ASXL3: variants seen among roughly 807,000 people sequenced by gnomAD.
ASXL3 encodes the protein putative Polycomb group protein ASXL3.
ASXL3 carries 34 observed loss-of-function variants against 170.6 expected under a neutral mutation model. The observed-to-expected ratio is 0.20, with a 90% CI of 0.15 to 0.27. The LOEUF is 0.27. Among genes scored for constraint, ASXL3 ranks in the 10% least tolerant of loss-of-function variants. The probability of loss-of-function intolerance (pLI) is 1.00; values close to 1 mark genes in which losing one functional copy is unlikely to be tolerated. For synonymous variants in ASXL3, 1,002 were observed against 989.1 expected (o/e 1.01, Z -0.24); for missense variants, 2,592 against 2,695.3 (o/e 0.96, Z 0.85).
intron 1 of ASXL3, chr18:33,605,341 C>G (rs2065234746): frequency 6.6e-6 from 1 of 151,952 alleles, no homozygotes. Flanking sequence ...ATAATTTCTC[C>G]TTATCTTTTG....
At chr18:33,600,628 GA>G (rs2065174878) in intron 1 of ASXL3, among the ~76,000 whole-genome samples, 1 of 152,092 alleles carries the variant, frequency 6.6e-6, no homozygotes, top group Non-Finnish European at 1.5e-5. Flanking sequence ...CTTTCTGTGT[GA>G]AAAAGGAATG....
At chr18:33,682,615 A>C (rs1181229736) in intron 7 of ASXL3, among the ~76,000 whole-genome samples, 3 of 152,070 alleles carry the variant, frequency 2.0e-5, no homozygotes, top group Non-Finnish European at 4.4e-5. Flanking sequence ...TGGCGCAGTC[A>C]TGGCTCGCTG....
chr18:33,738,626 A>T lies in ASXL3; in HGVS notation c.1222A>T (p.Met408Leu), dbSNP rs1455203924. The T allele has an allele frequency of 6.2e-7, 1 of 1,613,958 alleles. No individual in the cohort carries two copies. The highest frequency in any genetic ancestry group is 8.5e-7 in the Non-Finnish European group (1 of 1,179,864). ...TALAEQQPKS[M>L]KSPASPEPGF... ...CTTGGCAGAACAACAGCCAAAAAGCATGAAAAGCCCAGCTTCTCCAGAGCC... is the reference window on the plus strand; with the variant it reads ...CTTGGCAGAACAACAGCCAAAAAGCTTGAAAAGCCCAGCTTCTCCAGAGCC... Residue 408 changes from methionine (M) to leucine (L), a missense_variant, in exon 11 of 12, where the codon ATG (methionine) becomes TTG (leucine). Transcript: ENST00000269197.
chr18:33,636,335 G>A (rs12607131), intron 2 of ASXL3, among the ~76,000 whole-genome samples: 118 of 39,388 alleles, frequency 3.0e-3, no homozygotes, highest in Middle Eastern at 0.018. Flanking sequence ...AACAACAACA[G>A]CAACAACAAC....
intron 8 of ASXL3, among the ~76,000 whole-genome samples, chr18:33,701,493 T>C (rs1163401573): frequency 6.6e-6 from 1 of 152,150 alleles, no homozygotes; most frequent in African/African-American, 2.4e-5. Context: ...TTTCAGAGTA[T>C]AAGTGTTACA....
intron 8 of ASXL3, among the ~76,000 whole-genome samples, chr18:33,694,866 G>T (rs1357350665): frequency 6.6e-6 from 1 of 152,132 alleles, no homozygotes; most frequent in East Asian, 1.9e-4. Context: ...CTTTTGCAGA[G>T]AATTTTGGAC....
intron 2 of ASXL3, among the ~76,000 whole-genome samples, chr18:33,625,163 TG>T (rs1410807542): frequency 6.6e-6 from 1 of 152,158 alleles, no homozygotes; most frequent in African/African-American, 2.4e-5. Flanking sequence ...TCATTATCGT[TG>T]TTTTTTTAAT....
chr18:33,669,879 C>G (rs2145252094), intron 5 of ASXL3, among the ~76,000 whole-genome samples: 1 of 152,146 alleles, frequency 6.6e-6, no homozygotes, highest in East Asian at 1.9e-4. Flanking sequence ...AGGTAATTTT[C>G]TGTATAAAGT....
Position 33,745,442 on chromosome 18 carries a change from T to A in ASXL3, c.5594T>A (p.Ile1865Asn). 1 of 1,613,970 alleles carries A rather than the reference T, an allele frequency of 6.2e-7. No individual in the cohort carries two copies. Among genetic ancestry groups the A allele is most frequent in the Non-Finnish European group, 8.5e-7 (1 of 1,179,892 alleles). ...KGVPCVISSG[I>N]SQLGHSQPFK... ...GTGCCTTGTGTCATCAGTTCCGGCA[T>A]CAGTCAGCTAGGACACAGCCAGCCA... is the stretch of plus-strand genomic sequence containing the variant. The change falls in exon 12 of 12, where the codon ATC becomes AAC. Residue 1865 changes from isoleucine (I) to asparagine (N), a missense_variant. Transcript: ENST00000269197.
chr18:33,714,666 A>G (rs899506462), intron 8 of ASXL3, among the ~76,000 whole-genome samples: 37 of 151,250 alleles, frequency 2.4e-4, no homozygotes, highest in Non-Finnish European at 1.5e-4. Flanking sequence ...TTAGACCACC[A>G]CTCCTTTCTT....
intron 8 of ASXL3, among the ~76,000 whole-genome samples, chr18:33,705,333 C>T (rs1257981412): frequency 1.3e-5 from 2 of 150,804 alleles, no homozygotes; most frequent in African/African-American, 2.4e-5. Flanking sequence ...AGACCCATTT[C>T]CCAAACGAGT....
Position 33,578,473 on chromosome 18 carries a change from G to A in ASXL3, c.-159G>A, listed in dbSNP as rs2064963471. ...ATCCCTCCCACCCGCCGCCGCCGCC[G>A]CCGCCGCCGCCGCCGCCGCCGCCGC... is the stretch of plus-strand genomic sequence containing the variant. On this transcript the variant is annotated 5_prime_UTR_variant, in exon 1 of 12. Coordinates refer to ENST00000269197, the MANE Select transcript of ASXL3 (RefSeq NM_030632.3). 6.0e-6 allele frequency: 1 copy of A among 166,642 alleles called. No individual in the cohort carries two copies. The highest frequency in any genetic ancestry group is 1.1e-5 in the Non-Finnish European group (1 of 89,690). 10.3% of individuals were successfully genotyped at this position (166,642 alleles called of 1,614,324 possible). A position where few individuals can be genotyped will look rare whatever the true frequency, so the allele number is the denominator to read the frequency against.
intron 8 of ASXL3, among the ~76,000 whole-genome samples, chr18:33,696,300 T>C (rs957682227): frequency 1.3e-5 from 2 of 152,184 alleles, no homozygotes; most frequent in Admixed American, 6.5e-5. Flanking sequence ...AGGAATCAAT[T>C]CTAAGCAGGA....
At chr18:33,646,657 T>C (rs1290043317) in intron 4 of ASXL3, among the ~76,000 whole-genome samples, 1 of 151,986 alleles carries the variant, frequency 6.6e-6, no homozygotes, top group Non-Finnish European at 1.5e-5. Flanking sequence ...ATCTAGTGGT[T>C]TCATTCTTAT....
rs759129641 is a variant in ASXL3 at position 33,746,559 on chromosome 18, T to G, written c.6711T>G (p.Pro2237=). 42 of 1,598,620 alleles carry G rather than the reference T, an allele frequency of 2.6e-5. No individual in the cohort carries two copies. Among genetic ancestry groups the G allele is most frequent in the Non-Finnish European group, 3.5e-5 (41 of 1,169,330 alleles). ...GAFCHDDCIG[P]SKLCVACLVV... ...TCTGCCATGACGACTGCATAGGTCC[T>G]TCAAAACTTTGTGTAGCATGCCTGG... Residue 2237 remains proline (P), a synonymous_variant, in exon 12 of 12, where the codon CCT becomes CCG. Transcript: ENST00000269197.
rs375681396 is a variant in ASXL3 at position 33,588,359 on chromosome 18, G to GTTT, written c.54+9686_54+9688dup. On this transcript the variant is annotated intron_variant, in intron 1 of 11. Transcript: ENST00000269197. ...CCTAATTTAAGTAGAAAAGGAGCAGGTTTTTTTTTTTTTTGGAGGTCATAA... is the reference window on the plus strand; with the variant it reads ...CCTAATTTAAGTAGAAAAGGAGCAGGTTTTTTTTTTTTTTTTTGGAGGTCATAA... Among the ~76,000 whole-genome samples, 547 of 142,414 alleles carry GTTT rather than the reference G, an allele frequency of 3.8e-3. 5 individuals are homozygous for GTTT. Among genetic ancestry groups the GTTT allele is most frequent in the African/African-American group, 0.013 (520 of 39,234 alleles). 93.4% of individuals were successfully genotyped at this position (142,414 alleles called of 152,430 possible). A position where few individuals can be genotyped will look rare whatever the true frequency, so the allele number is the denominator to read the frequency against.
intron 5 of ASXL3, among the ~76,000 whole-genome samples, chr18:33,662,502 C>A (rs2066189830): frequency 6.6e-6 from 1 of 152,080 alleles, no homozygotes. Context: ...GTGAGTGGCT[C>A]ATAGAAATAA....
chr18:33,609,080 T>G, intron 2 of ASXL3: 1 of 984,492 alleles, frequency 1.0e-6, no homozygotes, highest in Non-Finnish European at 1.2e-6. Context: ...ATAGATTAGT[T>G]GCTAACAGTA....
At chr18:33,699,364 A>G (rs1226751717) in intron 8 of ASXL3, among the ~76,000 whole-genome samples, 1 of 151,740 alleles carries the variant, frequency 6.6e-6, no homozygotes, top group Non-Finnish European at 1.5e-5. Flanking sequence ...ATGAGAAATA[A>G]TGAAATTATT....
Sources: gnomAD v4.1 joint callset for allele counts (sites outside exome capture counted in the v4.1 genomes callset) on GRCh38, gnomAD v4.1.1 for gene constraint, MANE v1.5 for transcripts, NCBI Gene and HGNC (gene_info 2026-07-23, HGNC 2026-07-21) for gene names.